The following EPHB2 variants were observed in gnomAD, a reference collection of about 807,000 sequenced individuals.
EPHB2 encodes the protein ephrin type-B receptor 2.
A neutral mutation model predicts 96.4 loss-of-function variants in EPHB2; 18 were observed. That is an observed-to-expected ratio of 0.19 (90% CI 0.13 to 0.28). The LOEUF (loss-of-function observed/expected upper bound fraction) is 0.28, where lower values mean the gene tolerates loss of function less well. EPHB2 is among the 10% of genes least tolerant of loss of function. The pLI, the probability that EPHB2 is intolerant of heterozygous loss-of-function variation, is 1.00. For synonymous variants in EPHB2, 506 were observed against 534.1 expected, an observed-to-expected ratio of 0.95 and a Z score of 0.72; for missense variants, 989 against 1,355.4, an observed-to-expected ratio of 0.73 and a Z score of 4.25.
chr1:22,739,445 A>G (rs1643878754), intron 1 of EPHB2, among the ~76,000 whole-genome samples: 1 of 152,138 alleles, frequency 6.6e-6, no homozygotes, highest in African/African-American at 2.4e-5. Context: ...CAAATTCCTG[A>G]CCTCAAGTGA....
At chr1:22,771,893 G>A (rs1207866273) in intron 1 of EPHB2, among the ~76,000 whole-genome samples, 1 of 152,082 alleles carries the variant, frequency 6.6e-6, no homozygotes, top group Non-Finnish European at 1.5e-5. Flanking sequence ...CCTGGGTTCA[G>A]TTTCTGATTT....
At chr1:22,819,368 T>G (rs1029985494) in intron 3 of EPHB2, among the ~76,000 whole-genome samples, 15 of 152,146 alleles carry the variant, frequency 9.9e-5, no homozygotes, top group Middle Eastern at 3.2e-3. Context: ...CCAAGACTTC[T>G]TGTGAAGACT....
intron 1 of EPHB2, chr1:22,774,680 G>A: frequency 1.1e-6 from 1 of 929,284 alleles, no homozygotes; most frequent in Non-Finnish European, 1.3e-6. Flanking sequence ...CGAGTACCTT[G>A]TTAAGAGCTA....
chr1:22,745,413 T>A (rs2148371569), intron 1 of EPHB2, among the ~76,000 whole-genome samples: 1 of 152,178 alleles, frequency 6.6e-6, no homozygotes, highest in East Asian at 1.9e-4. Flanking sequence ...CAATGGCAAT[T>A]AAGTCAGGAT....
intron 3 of EPHB2, among the ~76,000 whole-genome samples, chr1:22,819,211 C>CTCTCTCTCTCTT (rs1645116999): frequency 8.7e-6 from 1 of 114,604 alleles, no homozygotes; most frequent in Non-Finnish European, 1.9e-5. Flanking sequence ...AGATGTCTCT[C>CTCTCTCTCTCTT]TCTCTCTCTC....
chr1:22,821,249 A>T (rs7546953), intron 3 of EPHB2, among the ~76,000 whole-genome samples: 35,797 of 152,192 alleles, frequency 0.24, 4,660 homozygotes, highest in East Asian at 0.54. Flanking sequence ...GAACGAAATC[A>T]CATGACTATA....
chr1:22,720,072 C>G (rs528608035), intron 1 of EPHB2, among the ~76,000 whole-genome samples: 1 of 152,186 alleles, frequency 6.6e-6, no homozygotes, highest in Non-Finnish European at 1.5e-5. Context: ...GAAGGCTGGT[C>G]CCCCTACGCT....
intron 1 of EPHB2, chr1:22,774,720 T>G (rs1644423603): frequency 1.6e-6 from 1 of 623,638 alleles, no homozygotes; most frequent in South Asian, 7.1e-5. Context: ...GCAGGAGCTC[T>G]GAAGGGCGAT....
At chr1:22,713,076 C>T (rs1490697514) in intron 1 of EPHB2, among the ~76,000 whole-genome samples, 4 of 152,038 alleles carry the variant, frequency 2.6e-5, no homozygotes, top group African/African-American at 7.2e-5. Flanking sequence ...GGCTGGTGGG[C>T]GCTGACGTCA....
At chr1:22,712,048 A>G (rs1474628129) in intron 1 of EPHB2, among the ~76,000 whole-genome samples, 1 of 152,240 alleles carries the variant, frequency 6.6e-6, no homozygotes, top group Non-Finnish European at 1.5e-5. Flanking sequence ...TTTACAGTTT[A>G]TGAAGTACTT....
At chr1:22,715,790 G>A (rs763866390) in intron 1 of EPHB2, among the ~76,000 whole-genome samples, 40 of 152,330 alleles carry the variant, frequency 2.6e-4, no homozygotes, top group African/African-American at 9.4e-4. Flanking sequence ...GCAGTGTGTG[G>A]TAGAGAAAAT....
intron 3 of EPHB2, among the ~76,000 whole-genome samples, chr1:22,806,594 G>A (rs994642716): frequency 2.6e-5 from 4 of 152,152 alleles, no homozygotes; most frequent in Non-Finnish European, 5.9e-5. Context: ...TCTCAGCACA[G>A]TAAGGTCCTA....
At chr1:22,878,041 A>G (rs1310951361) in intron 5 of EPHB2, among the ~76,000 whole-genome samples, 4 of 152,262 alleles carry the variant, frequency 2.6e-5, no homozygotes, top group Non-Finnish European at 5.9e-5. Flanking sequence ...TTGGGAGGTG[A>G]AACTCCAGAG....
intron 2 of EPHB2, 94 bp downstream of exon 2, chr1:22,781,579 C>T: frequency 7.6e-7 from 1 of 1,313,354 alleles, no homozygotes; most frequent in Non-Finnish European, 1.1e-6. Flanking sequence ...TAACCCCTTT[C>T]CCCCTCTTCA....
Position 22,913,437 on chromosome 1 carries a change from T to A in EPHB2, c.2853-25T>A, listed in dbSNP as rs750657505. On this transcript the variant is annotated intron_variant, in intron 15 of 15. Transcript: ENST00000374630. The surrounding 1 kb of genome is among the most constrained non-coding windows in gnomAD (Gnocchi z 4.1). ...GGACCCCTTCACCCGCATATTTCCC[T>A]AACACACGTGCTTCTCTCCCAAAGG... is the stretch of plus-strand genomic sequence containing the variant. The A allele has an allele frequency of 6.2e-7, 1 of 1,613,680 alleles. No homozygotes were observed. Among genetic ancestry groups the A allele is most frequent in the South Asian group, 1.1e-5 (1 of 90,860 alleles).
At chr1:22,780,412 C>A (rs1644512321) in intron 1 of EPHB2, among the ~76,000 whole-genome samples, 1 of 152,146 alleles carries the variant, frequency 6.6e-6, no homozygotes, top group Non-Finnish European at 1.5e-5. Flanking sequence ...AGTGCTTGCT[C>A]TCAACACTTC....
chr1:22,740,289 G>GT (rs904033326), intron 1 of EPHB2, among the ~76,000 whole-genome samples: 3 of 152,266 alleles, frequency 2.0e-5, no homozygotes, highest in Admixed American at 1.3e-4. Flanking sequence ...CTAATCTACT[G>GT]TTTTTTTCTA....
At chr1:22,795,967 G>A (rs1288124848) in intron 3 of EPHB2, among the ~76,000 whole-genome samples, 1 of 152,218 alleles carries the variant, frequency 6.6e-6, no homozygotes, top group Non-Finnish European at 1.5e-5. Flanking sequence ...CTCACACTGA[G>A]GCTGGCCTGC....
At position 22,846,669 on chromosome 1, in the gene EPHB2, G is replaced by T. The variant is rs1424110976; in HGVS notation, c.812-16368G>T. ...GCCTCAAACGAGCAGCAGGTCCTCA[G>T]CCTTGCCATGCAGTTTCCCATCTCC... On this transcript the variant is annotated intron_variant, in intron 3 of 15. Coordinates refer to ENST00000374630, the MANE Select transcript of EPHB2 (RefSeq NM_017449.5). The surrounding 1 kb of genome is among the most constrained non-coding windows in gnomAD (Gnocchi z 4.3). Among the ~76,000 whole-genome samples the T allele has an allele frequency of 6.6e-6, 1 of 152,178 alleles. No individual in the cohort carries two copies. Among genetic ancestry groups the T allele is most frequent in the African/African-American group, 2.4e-5 (1 of 41,446 alleles).
Sources: gnomAD v4.1 joint callset for allele counts (sites outside exome capture counted in the v4.1 genomes callset) on GRCh38, gnomAD v4.1.1 for gene constraint, Gnocchi (gnomAD v3.1) non-coding constraint, MANE v1.5 for transcripts, NCBI Gene and HGNC (gene_info 2026-07-23, HGNC 2026-07-21) for gene names.